TRIM9: variants seen among roughly 807,000 people sequenced by gnomAD.
The protein encoded by TRIM9 is E3 ubiquitin-protein ligase TRIM9.
A neutral mutation model predicts 78.3 loss-of-function variants in TRIM9; 26 were observed. The ratio of observed to expected loss-of-function variants is 0.33; its 90% CI spans 0.24 to 0.46. The LOEUF is 0.46. Among genes scored for constraint, TRIM9 ranks in the 20% least tolerant of loss-of-function variants. TRIM9 has a pLI of 1.00. For missense variants in TRIM9, 787 were observed against 1,036.4 expected (o/e 0.76, Z 3.30); for synonymous variants, 398 against 416.5 (o/e 0.96, Z 0.54).
intron 7 of TRIM9, chr14:50,997,147 A>G (rs1416343681): frequency 1.0e-6 from 1 of 985,338 alleles, no homozygotes; most frequent in Non-Finnish European, 1.2e-6. Flanking sequence ...AAAGTGTCAG[A>G]ATGCTTTGGC....
chr14:51,035,287 T>A (rs2059044626), intron 1 of TRIM9, among the ~76,000 whole-genome samples: 1 of 152,160 alleles, frequency 6.6e-6, no homozygotes, highest in South Asian at 2.1e-4. Flanking sequence ...AAATAAAGAA[T>A]AAAAAGTCAT....
At chr14:51,061,121 T>C (rs559222237) in intron 1 of TRIM9, among the ~76,000 whole-genome samples, 137 of 152,262 alleles carry the variant, frequency 9.0e-4, no homozygotes, top group Non-Finnish European at 1.6e-3. Context: ...TTTTAAAAAA[T>C]TGGATTGTTG....
intron 1 of TRIM9, among the ~76,000 whole-genome samples, chr14:51,055,298 A>G (rs1382304858): frequency 6.6e-6 from 1 of 152,222 alleles, no homozygotes; most frequent in Non-Finnish European, 1.5e-5. Flanking sequence ...TGATTACAAG[A>G]TATATCCTTG....
chr14:50,996,638 T>C (rs2054242931), intron 7 of TRIM9: 1 of 985,342 alleles, frequency 1.0e-6, no homozygotes, highest in Non-Finnish European at 1.2e-6. Flanking sequence ...AAGGGCCTTC[T>C]GCGTTGCATC....
chr14:51,077,675 T>C (rs182730772), intron 1 of TRIM9, among the ~76,000 whole-genome samples: 1 of 152,318 alleles, frequency 6.6e-6, no homozygotes, highest in Non-Finnish European at 1.5e-5. Flanking sequence ...ATTACAGGCA[T>C]GAGTCACCAC....
chr14:51,083,860 T>G (rs1042563203), intron 1 of TRIM9, among the ~76,000 whole-genome samples: 1 of 152,176 alleles, frequency 6.6e-6, no homozygotes, highest in African/African-American at 2.4e-5. Context: ...TGTGGTACAA[T>G]GGACTTGAGA....
intron 1 of TRIM9, chr14:51,089,130 TTTATA>T (rs1475618898): frequency 6.6e-6 from 1 of 152,234 alleles, no homozygotes; most frequent in Non-Finnish European, 1.5e-5. Flanking sequence ...AGTTTCTAGC[TTTATA>T]GTTCCATTCT....
In TRIM9 at chr14:51,049,824, C is replaced by CA. The variant is rs202227387; in HGVS notation, c.823-24465dup. Among the ~76,000 whole-genome samples the CA allele has an allele frequency of 9.8e-3, 1,199 of 122,532 alleles. 38 individuals carry two copies. In the East Asian group the frequency reaches 0.11, roughly 12 times the overall value. 80.4% of individuals were successfully genotyped at this position (122,532 alleles called of 152,430 possible). A position where few individuals can be genotyped will look rare whatever the true frequency, so the allele number is the denominator to read the frequency against. The stretch of plus-strand genomic sequence containing the variant: ...TGGGTGACAGAGCGAGACTCTGTCT[C>CA]AAAAAAAAAAATAAAATAAAATAAA... On this transcript the variant is annotated intron_variant, in intron 1 of 12. Coordinates refer to ENST00000684578, the MANE Select transcript of TRIM9 (RefSeq NM_001387360.1).
intron 1 of TRIM9, among the ~76,000 whole-genome samples, chr14:51,057,708 A>T (rs1266558809): frequency 6.6e-6 from 1 of 152,218 alleles, no homozygotes; most frequent in East Asian, 1.9e-4. Flanking sequence ...TTGTGGTAAA[A>T]ATCAAAATCA....
chr14:51,033,298 G>T (rs542914271), intron 1 of TRIM9, among the ~76,000 whole-genome samples: 1 of 152,200 alleles, frequency 6.6e-6, no homozygotes, highest in Non-Finnish European at 1.5e-5. Context: ...TCACCATATT[G>T]GTCAGGCTGG....
chr14:50,990,008 T>G (rs995086912), intron 7 of TRIM9, among the ~76,000 whole-genome samples: 9 of 152,120 alleles, frequency 5.9e-5, no homozygotes, highest in African/African-American at 2.2e-4. Flanking sequence ...CACCATATAT[T>G]TCTTTTGTTT....
At chr14:51,015,579 TCA>T (rs1472527968) in intron 3 of TRIM9, among the ~76,000 whole-genome samples, 1 of 128,372 alleles carries the variant, frequency 7.8e-6, no homozygotes, top group African/African-American at 2.9e-5. Flanking sequence ...GGTGGCACAC[TCA>T]CAGTTTACCA....
intron 6 of TRIM9, among the ~76,000 whole-genome samples, chr14:51,000,204 T>G (rs1376099684): frequency 6.6e-6 from 1 of 152,254 alleles, no homozygotes; most frequent in African/African-American, 2.4e-5. Context: ...CGGTTAATTA[T>G]ATTATTAGCA....
intron 1 of TRIM9, among the ~76,000 whole-genome samples, chr14:51,058,768 C>G (rs1249870759): frequency 6.6e-6 from 1 of 152,198 alleles, no homozygotes; most frequent in Non-Finnish European, 1.5e-5. Flanking sequence ...TATGGTGTGA[C>G]TCACTATCAC....
At position 51,061,462 on chromosome 14, in the gene TRIM9, T is replaced by A. The variant is rs537591268; in HGVS notation, c.822+32656A>T. On this transcript the variant is annotated intron_variant, in intron 1 of 12. Coordinates refer to ENST00000684578, the MANE Select transcript of TRIM9 (RefSeq NM_001387360.1). Reference sequence around the variant, plus strand: ...TTGTTGACTTTTTATTGTAAGGATATACATATTGAATTTAAGTCCTCTGAT... The same window carrying A: ...TTGTTGACTTTTTATTGTAAGGATAAACATATTGAATTTAAGTCCTCTGAT... 1.1e-4 allele frequency among the ~76,000 whole-genome samples: 16 copies of A among 151,872 alleles called. No individual in the cohort carries two copies. In the South Asian group the frequency reaches 3.3e-3, roughly 32 times the overall value.
chr14:50,987,865 G>C (rs557417765), intron 7 of TRIM9, among the ~76,000 whole-genome samples: 1 of 152,020 alleles, frequency 6.6e-6, no homozygotes, highest in African/African-American at 2.4e-5. Context: ...GCAATGCCAC[G>C]ATCTCAGCTC....
At chr14:51,013,270 C>A (rs2056791264) in intron 3 of TRIM9, among the ~76,000 whole-genome samples, 1 of 150,678 alleles carries the variant, frequency 6.6e-6, no homozygotes, top group Admixed American at 6.6e-5. Context: ...TTTCCCCACA[C>A]CACTTATTAA....
chr14:51,010,206 G>A (rs977115079), intron 4 of TRIM9, among the ~76,000 whole-genome samples, 178 bp downstream of exon 4: 7 of 151,988 alleles, frequency 4.6e-5, no homozygotes, highest in Admixed American at 1.3e-4. Flanking sequence ...AGAGACTTCC[G>A]GGAAGTCAGT....
At chr14:50,985,806 C>T (rs2052628511) in intron 8 of TRIM9, 150 bp downstream of exon 8, 1 of 651,156 alleles carries the variant, frequency 1.5e-6, no homozygotes, top group South Asian at 4.7e-5. Context: ...GCTCCACCAT[C>T]CCGATGCTCC....
Sources: allele counts gnomAD v4.1 joint callset (sites outside exome capture counted in the v4.1 genomes callset), GRCh38; gene constraint gnomAD v4.1.1; transcripts MANE v1.5; gene names NCBI Gene and HGNC (gene_info 2026-07-23, HGNC 2026-07-21).